Variants in TTC7B observed in about 807,000 individuals in gnomAD.
TTC7B encodes the protein tetratricopeptide repeat domain 7B.
A neutral mutation model predicts 106.8 loss-of-function variants in TTC7B; 28 were observed. That is an observed-to-expected ratio of 0.26 (90% CI 0.19 to 0.36). TTC7B has a LOEUF of 0.36. Ranked by LOEUF, TTC7B falls within the 10% of genes least tolerant of loss-of-function variation. TTC7B has a pLI of 1.00. For synonymous variants in TTC7B, 405 were observed against 430.6 expected, an observed-to-expected ratio of 0.94 and a Z score of 0.74; for missense variants, 862 against 1,076.4, an observed-to-expected ratio of 0.80 and a Z score of 2.79.
chr14:90,549,812 G>A (rs1486878419), intron 19 of TTC7B, among the ~76,000 whole-genome samples: 13 of 152,124 alleles, frequency 8.5e-5, no homozygotes, highest in African/African-American at 4.8e-5. Context: ...GGACTAACTC[G>A]TTTAGTAAGG....
In TTC7B at chr14:90,679,967, G is replaced by A. The variant is rs926217681; in HGVS notation, c.1014+505C>T. On this transcript the variant is annotated intron_variant, in intron 8 of 19. Transcript: ENST00000328459. Reference sequence around the variant, plus strand: ...ACAGTGTCTGGCAAAGCCAGGAGCTGGAAGAGACAACAAGGGCAGGAGGAT... The same window carrying A: ...ACAGTGTCTGGCAAAGCCAGGAGCTAGAAGAGACAACAAGGGCAGGAGGAT... Among the ~76,000 whole-genome samples the A allele has an allele frequency of 1.1e-4, 16 of 152,240 alleles. 1 individual carries two copies.
rs770706154 is a variant in TTC7B at position 90,676,561 on chromosome 14, C to A, written c.1114G>T (p.Ala372Ser). ...TCATACTGGCCTCTTCTTCCAAGAG[C>A]AATGGTGAGTAAGTCATAGACCACA... ...ASVVYDLLTI[A>S]LGRRGQYEML... Residue 372 changes from alanine to serine, a missense_variant, in exon 9 of 20, where the codon GCT (alanine) becomes TCT (serine). Coordinates refer to ENST00000328459, the MANE Select transcript of TTC7B (RefSeq NM_001010854.2). 23 of 1,614,104 alleles carry A rather than the reference C, an allele frequency of 1.4e-5. No homozygotes were observed. The South Asian group carries it at 2.3e-4, about 16-fold the overall frequency.
At chr14:90,544,167 G>A (rs1889725133) in intron 19 of TTC7B, among the ~76,000 whole-genome samples, 1 of 152,272 alleles carries the variant, frequency 6.6e-6, no homozygotes, top group African/African-American at 2.4e-5. Context: ...GGAGGAGGCG[G>A]AGGCCACGCT....
In TTC7B at chr14:90,672,143, A is replaced by C. The variant is rs112160773; in HGVS notation, c.1152+4380T>G. On this transcript the variant is annotated intron_variant, in intron 9 of 19. Coordinates refer to ENST00000328459, the MANE Select transcript of TTC7B (RefSeq NM_001010854.2). ...AAGACATGCTGTGCCCTGACGTGTA[A>C]GTGTTAATGCTGGTTGGGGACAAGA... Among the ~76,000 whole-genome samples the C allele has an allele frequency of 7.4e-3, 1,130 of 152,342 alleles. 16 individuals carry two copies. The highest frequency in any genetic ancestry group is 0.026 in the African/African-American group (1,078 of 41,570).
intron 15 of TTC7B, among the ~76,000 whole-genome samples, chr14:90,635,019 G>C (rs1884871484): frequency 6.6e-6 from 1 of 152,150 alleles, no homozygotes; most frequent in South Asian, 2.1e-4. Flanking sequence ...ACAAATAGTT[G>C]ACTTCTTAAC....
chr14:90,604,834 TC>T (rs1892573209), intron 17 of TTC7B, among the ~76,000 whole-genome samples: 1 of 152,204 alleles, frequency 6.6e-6, no homozygotes, highest in South Asian at 2.1e-4. Context: ...GTTCTGGAAC[TC>T]CCTAAAGCCG....
chr14:90,578,348 C>G lies in TTC7B; in HGVS notation c.2108-40G>C. The G allele has an allele frequency of 6.3e-7, 1 of 1,585,572 alleles. No homozygotes were observed. The highest frequency in any genetic ancestry group is 8.6e-7 in the Non-Finnish European group (1 of 1,161,770). Reference sequence around the variant, plus strand: ...CAACGGCACATGCTTTCCTGGTGCCCCTCTGAGGCCCTGCGAGCAGCCACC... The same window carrying G: ...CAACGGCACATGCTTTCCTGGTGCCGCTCTGAGGCCCTGCGAGCAGCCACC... On this transcript the variant is annotated intron_variant, in intron 18 of 19. Coordinates refer to ENST00000328459, the MANE Select transcript of TTC7B (RefSeq NM_001010854.2). The surrounding 1 kb of genome is among the most constrained non-coding windows in gnomAD (Gnocchi z 4.7).
At chr14:90,737,492 C>T (rs969429613) in intron 4 of TTC7B, among the ~76,000 whole-genome samples, 15 of 149,782 alleles carry the variant, frequency 1.0e-4, no homozygotes, top group South Asian at 2.1e-4. Flanking sequence ...ATTTTCAGAA[C>T]GTGATGCTAT....
chr14:90,553,773 T>C (rs1046677593), intron 19 of TTC7B, among the ~76,000 whole-genome samples: 4 of 152,238 alleles, frequency 2.6e-5, no homozygotes, highest in Non-Finnish European at 5.9e-5. Context: ...TGAATTCTGC[T>C]GCTTAACATA....
At chr14:90,643,975 G>A in intron 15 of TTC7B, 73 bp downstream of exon 15, 2 of 1,563,000 alleles carry the variant, frequency 1.3e-6, no homozygotes, top group Admixed American at 1.7e-5. Context: ...TAGACAGATT[G>A]GAAAGAAGGC....
chr14:90,643,149 C>A (rs1315178624), intron 15 of TTC7B, among the ~76,000 whole-genome samples: 1 of 152,154 alleles, frequency 6.6e-6, no homozygotes, highest in Non-Finnish European at 1.5e-5. Context: ...TGGCTCATGC[C>A]TGTAATCCCA....
chr14:90,788,460 A>C (rs1891465521), intron 1 of TTC7B, among the ~76,000 whole-genome samples: 1 of 152,222 alleles, frequency 6.6e-6, no homozygotes, highest in South Asian at 2.1e-4. Context: ...CCACAGAACA[A>C]ATATGAATGT....
chr14:90,701,224 A>T (rs1176185369), intron 5 of TTC7B, among the ~76,000 whole-genome samples: 1 of 152,100 alleles, frequency 6.6e-6, no homozygotes, highest in East Asian at 1.9e-4. Context: ...CTCAAACCTT[A>T]TGAGAGCTGT....
chr14:90,760,301 A>G (rs1890456913), intron 3 of TTC7B, among the ~76,000 whole-genome samples: 1 of 152,160 alleles, frequency 6.6e-6, no homozygotes, highest in African/African-American at 2.4e-5. Flanking sequence ...GGTGGGACAC[A>G]GCAGGACATG....
In TTC7B at chr14:90,578,051, T is replaced by C. The variant is rs1185989378; in HGVS notation, c.2310+55A>G. On this transcript the variant is annotated intron_variant, in intron 19 of 19. Coordinates refer to ENST00000328459, the MANE Select transcript of TTC7B (RefSeq NM_001010854.2). This position sits in a 1 kb window ranked among gnomAD's most constrained non-coding sequence, Gnocchi z 4.7. ...TGAGGGTCATGTGCTACCTGCCGCT[T>C]CCAAGGGCTGTCCCCATGCCAGAGT... The C allele has an allele frequency of 2.6e-6, 4 of 1,555,874 alleles. No homozygotes were observed. The highest frequency in any genetic ancestry group is 3.5e-6 in the Non-Finnish European group (4 of 1,149,296).
At chr14:90,729,835 A>C (rs1209543773) in intron 5 of TTC7B, among the ~76,000 whole-genome samples, 8 of 152,112 alleles carry the variant, frequency 5.3e-5, no homozygotes, top group Admixed American at 5.2e-4. Context: ...GAGGCTGTGT[A>C]CTTTTGACTT....
intron 5 of TTC7B, among the ~76,000 whole-genome samples, chr14:90,721,255 G>A (rs1281211520): frequency 6.6e-6 from 1 of 152,250 alleles, no homozygotes; most frequent in East Asian, 1.9e-4. Flanking sequence ...TGAATGCTGA[G>A]GAAGCTTTCT....
intron 7 of TTC7B, among the ~76,000 whole-genome samples, chr14:90,686,263 T>C (rs1287697220): frequency 6.6e-6 from 1 of 152,100 alleles, no homozygotes; most frequent in African/African-American, 2.4e-5. Context: ...GAAAAAGCAG[T>C]TGACAAAATT....
rs370592783 is a variant in TTC7B at position 90,703,843 on chromosome 14, G to A, written c.699-8265C>T. Among the ~76,000 whole-genome samples, 143 of 152,350 alleles carry A rather than the reference G, an allele frequency of 9.4e-4. 5 individuals are homozygous for A. The South Asian group carries it at 0.029, about 30-fold the overall frequency. ...GCTCAGTTTGAGGCAGCACAGTGCC[G>A]ATGGGATTGTCACACATTCTCAGGA... On this transcript the variant is annotated intron_variant, in intron 5 of 19. Transcript: ENST00000328459.
Sources: gnomAD v4.1 joint callset for allele counts (sites outside exome capture counted in the v4.1 genomes callset) on GRCh38, gnomAD v4.1.1 for gene constraint, Gnocchi (gnomAD v3.1) non-coding constraint, MANE v1.5 for transcripts, NCBI Gene and HGNC (gene_info 2026-07-23, HGNC 2026-07-21) for gene names.